The following DLGAP4 variants were observed in gnomAD, a reference collection of about 807,000 sequenced individuals.
DLGAP4 encodes the protein disks large-associated protein 4.
DLGAP4 carries 18 observed loss-of-function variants against 86.9 expected under a neutral mutation model. That is an observed-to-expected ratio of 0.21 (90% confidence interval 0.14 to 0.31). The LOEUF (loss-of-function observed/expected upper bound fraction) is 0.31, where lower values mean the gene tolerates loss of function less well. Ranked by LOEUF, DLGAP4 falls within the 10% of genes least tolerant of loss-of-function variation. DLGAP4 has a pLI of 1.00. For synonymous variants in DLGAP4, 548 were observed against 574.3 expected, an observed-to-expected ratio of 0.95 and a Z score of 0.65; for missense variants, 1,085 against 1,362.6, an observed-to-expected ratio of 0.80 and a Z score of 3.21.
intron 10 of DLGAP4, among the ~76,000 whole-genome samples, chr20:36,512,359 T>C (rs1177368209): frequency 6.6e-6 from 1 of 152,138 alleles, no homozygotes; most frequent in Non-Finnish European, 1.5e-5. Context: ...CCCTTGTCTC[T>C]CTGATCTTAT....
At chr20:36,461,107 G>A (rs2034018851) in intron 7 of DLGAP4, among the ~76,000 whole-genome samples, 1 of 152,088 alleles carries the variant, frequency 6.6e-6, no homozygotes, top group South Asian at 2.1e-4. Context: ...GGGTGAACTG[G>A]TGGGAACTCC....
Position 36,439,742 on chromosome 20 carries a change from A to C in DLGAP4, c.1242-12A>C, listed in dbSNP as rs765231597. 2 of 1,609,604 alleles carry C rather than the reference A, an allele frequency of 1.2e-6. No homozygotes were observed. The highest frequency in any genetic ancestry group is 1.7e-6 in the Non-Finnish European group (2 of 1,178,272). ...GTGGGCTGAGCCCTGTCTGCTCCCCACTCCCCACCAGGAGTCTGGACCGCC... is the reference window on the plus strand; with the variant it reads ...GTGGGCTGAGCCCTGTCTGCTCCCCCCTCCCCACCAGGAGTCTGGACCGCC... On this transcript the variant is annotated splice_polypyrimidine_tract_variant and intron_variant, in intron 4 of 12. Coordinates refer to ENST00000339266, the MANE Select transcript of DLGAP4 (RefSeq NM_001365621.2).
At chr20:36,525,247 A>G (rs1418819606) in intron 11 of DLGAP4, among the ~76,000 whole-genome samples, 1 of 75,742 alleles carries the variant, frequency 1.3e-5, no homozygotes, top group Non-Finnish European at 3.8e-5. Flanking sequence ...AAAAAAAAAA[A>G]AAAAAAACAA....
At chr20:36,384,656 T>A (rs2031530503) in intron 2 of DLGAP4, among the ~76,000 whole-genome samples, 1 of 152,102 alleles carries the variant, frequency 6.6e-6, no homozygotes, top group Admixed American at 6.5e-5. Flanking sequence ...TGCACAGATG[T>A]GGTGGCATTA....
intron 7 of DLGAP4, among the ~76,000 whole-genome samples, chr20:36,453,379 G>A (rs1381791484): frequency 6.6e-6 from 1 of 152,202 alleles, no homozygotes; most frequent in African/African-American, 2.4e-5. Flanking sequence ...GCTGGGTGCA[G>A]TGGCTCATAC....
chr20:36,333,315 A>C (rs781885381), intron 1 of DLGAP4, among the ~76,000 whole-genome samples: 14 of 152,128 alleles, frequency 9.2e-5, no homozygotes, highest in Non-Finnish European at 1.6e-4. Flanking sequence ...TTTCATACTA[A>C]GAAGTTAATA....
At chr20:36,428,169 A>G (rs2425256) in intron 2 of DLGAP4, among the ~76,000 whole-genome samples, 111,180 of 152,056 alleles carry the variant, frequency 0.73, 41,199 homozygotes, top group African/African-American at 0.81. Flanking sequence ...GGAGGGAGGC[A>G]CCTTGCAAGA....
chr20:36,472,647 A>G (rs2034721068), intron 7 of DLGAP4, among the ~76,000 whole-genome samples: 1 of 152,098 alleles, frequency 6.6e-6, no homozygotes, highest in Non-Finnish European at 1.5e-5. Flanking sequence ...CTTGGATTAG[A>G]AGCCAGGCAT....
intron 11 of DLGAP4, among the ~76,000 whole-genome samples, chr20:36,524,574 G>A (rs1243233970): frequency 1.3e-5 from 2 of 152,154 alleles, no homozygotes; most frequent in African/African-American, 4.8e-5. Flanking sequence ...CACATGGATG[G>A]TAAAGTCAAT....
In DLGAP4 at chr20:36,348,095, T is replaced by G. The variant is rs912619819; in HGVS notation, c.-303-18950T>G. Among the ~76,000 whole-genome samples, 4 of 152,340 alleles carry G rather than the reference T, an allele frequency of 2.6e-5. No homozygotes were observed. The East Asian group carries it at 7.7e-4, about 29-fold the overall frequency. ...TCTTAGAAACTGCACCTATGACTTC[T>G]GTTTATATCCTTCTACCAAAAACGT... is the stretch of plus-strand genomic sequence containing the variant. On this transcript the variant is annotated intron_variant, in intron 1 of 12. Transcript: ENST00000339266.
chr20:36,509,137 A>T (rs746030474), intron 10 of DLGAP4, among the ~76,000 whole-genome samples: 6 of 152,176 alleles, frequency 3.9e-5, no homozygotes, highest in Non-Finnish European at 8.8e-5. Context: ...GTATTTTTCA[A>T]ATTGTCTGGG....
intron 7 of DLGAP4, among the ~76,000 whole-genome samples, chr20:36,466,202 T>G (rs746406925): frequency 1.3e-5 from 2 of 152,176 alleles, no homozygotes; most frequent in Non-Finnish European, 2.9e-5. Context: ...AAAGCTGAAC[T>G]GAGAGGACCC....
intron 7 of DLGAP4, among the ~76,000 whole-genome samples, chr20:36,491,207 G>T (rs1015403832): frequency 1.3e-5 from 2 of 150,880 alleles, no homozygotes; most frequent in African/African-American, 2.4e-5. Context: ...AAAAAAAAAT[G>T]CAGAAACAAA....
At position 36,446,833 on chromosome 20, in the gene DLGAP4, G is replaced by A. The variant is rs758472400; in HGVS notation, c.1544G>A (p.Arg515His). 8.7e-6 allele frequency: 14 copies of A among 1,612,916 alleles called. No individual in the cohort carries two copies. The highest frequency in any genetic ancestry group is 1.7e-5 in the Admixed American group (1 of 59,936). Reference sequence around the variant, plus strand: ...CGCTCCCGCAGCCACAGCTACCTGCGTGCCATCCAGGCAGGCTGCTCGCAG... The same window carrying A: ...CGCTCCCGCAGCCACAGCTACCTGCATGCCATCCAGGCAGGCTGCTCGCAG... The part of the protein sequence containing the change: ...YFRSRSHSYL[R>H]AIQAGCSQEE... The change falls in exon 7 of 13, where the codon CGT becomes CAT. Residue 515 changes from arginine (R) to histidine (H), a missense_variant. By Grantham distance (29) the Arg-to-His change is conservative (BLOSUM62 0). Around this residue, in one of 2 missense-constraint regions of DLGAP4, gnomAD observed 1,082 missense variants for 1,344.1 expected, o/e 0.81. Transcript: ENST00000339266.
chr20:36,363,508 G>A (rs1555894394), intron 1 of DLGAP4, among the ~76,000 whole-genome samples: 1 of 152,182 alleles, frequency 6.6e-6, no homozygotes, highest in African/African-American at 2.4e-5. Flanking sequence ...AGGAGGACCG[G>A]TGGCACTGCT....
intron 2 of DLGAP4, among the ~76,000 whole-genome samples, chr20:36,401,199 G>A (rs1016623383): frequency 7.9e-5 from 12 of 152,342 alleles, no homozygotes; most frequent in Middle Eastern, 3.4e-3. Context: ...TGCCTGTTCC[G>A]AGAAACCAAA....
At chr20:36,515,691 T>C (rs948437318) in intron 10 of DLGAP4, among the ~76,000 whole-genome samples, 4 of 152,162 alleles carry the variant, frequency 2.6e-5, no homozygotes, top group Non-Finnish European at 5.9e-5. Flanking sequence ...TCCCAAAGTG[T>C]TGGAATTACA....
chr20:36,404,192 T>C (rs1344643183), intron 2 of DLGAP4, among the ~76,000 whole-genome samples: 4 of 152,204 alleles, frequency 2.6e-5, no homozygotes, highest in African/African-American at 7.2e-5. Flanking sequence ...GTGTCAGATG[T>C]CCACTCTAAA....
At chr20:36,384,571 T>G (rs1304411952) in intron 2 of DLGAP4, among the ~76,000 whole-genome samples, 1 of 152,220 alleles carries the variant, frequency 6.6e-6, no homozygotes, top group Non-Finnish European at 1.5e-5. Context: ...CTAGCCTCAA[T>G]TTCCTCAGTC....
Sources: allele counts gnomAD v4.1 joint callset (sites outside exome capture counted in the v4.1 genomes callset), GRCh38; gene constraint gnomAD v4.1.1; regional missense constraint gnomAD v4.1.1; transcripts MANE v1.5; gene names NCBI Gene and HGNC (gene_info 2026-07-23, HGNC 2026-07-21).